Variants in SLC30A9 observed in about 807,000 individuals in gnomAD.
SLC30A9 encodes solute carrier family 30 member 9.
A neutral mutation model predicts 87.5 loss-of-function variants in SLC30A9; 58 were observed. The observed-to-expected ratio is 0.66, with a 90% CI of 0.54 to 0.82. The LOEUF is 0.82. Among genes scored for constraint, SLC30A9 ranks in the 40% least tolerant of loss-of-function variants. SLC30A9 has a pLI of 0.00. For missense variants in SLC30A9, 557 were observed against 679.1 expected (o/e 0.82, Z 2.00); for synonymous variants, 234 against 233.0 (o/e 1.00, Z -0.04).
At chr4:42,035,781 C>T (rs1002389485) in intron 7 of SLC30A9, among the ~76,000 whole-genome samples, 4 of 152,196 alleles carry the variant, frequency 2.6e-5, no homozygotes, top group East Asian at 1.9e-4. Context: ...CAAGCGTGCC[C>T]GGCCTGATTT....
At chr4:42,074,252 T>G (rs1718433175) in intron 15 of SLC30A9, among the ~76,000 whole-genome samples, 1 of 152,200 alleles carries the variant, frequency 6.6e-6, no homozygotes, top group South Asian at 2.1e-4. Context: ...ATAAAAAATT[T>G]TGGACTCAGT....
At chr4:42,049,314 G>A in intron 8 of SLC30A9, 63 bp from the exon 9 acceptor site, 2 of 945,060 alleles carry the variant, frequency 2.1e-6, no homozygotes, top group Admixed American at 1.9e-5. Context: ...AGCTGATTGA[G>A]TATGCTTTTG....
At chr4:42,065,278 A>G (rs1217237396) in intron 11 of SLC30A9, 32 bp from the exon 12 acceptor site, 1 of 1,081,298 alleles carries the variant, frequency 9.2e-7, no homozygotes, top group Non-Finnish European at 1.4e-6. Context: ...GAAGTACTTA[A>G]TTTATGCTTT....
chr4:42,053,027 A>AG (rs1717444985), intron 9 of SLC30A9, among the ~76,000 whole-genome samples: 4 of 76,546 alleles, frequency 5.2e-5, no homozygotes, highest in African/African-American at 8.1e-5. Flanking sequence ...ATAAAATGAG[A>AG]ACCAGTTTTT....
chr4:42,067,695 AT>A (rs1718136805), intron 14 of SLC30A9, among the ~76,000 whole-genome samples: 2 of 152,230 alleles, frequency 1.3e-5, no homozygotes, highest in Non-Finnish European at 2.9e-5. Flanking sequence ...GAGTTTGCTC[AT>A]TCTCCTTTTA....
chr4:42,016,896 A>G (rs934080193), intron 2 of SLC30A9, among the ~76,000 whole-genome samples: 3 of 152,182 alleles, frequency 2.0e-5, no homozygotes, highest in Non-Finnish European at 4.4e-5. Flanking sequence ...TCCTGCTCTG[A>G]ACACTCATGT....
Position 41,990,689 on chromosome 4 carries a change from G to C in SLC30A9, c.38G>C (p.Cys13Ser). 1 of 1,611,852 alleles carries C rather than the reference G, an allele frequency of 6.2e-7. No individual in the cohort carries two copies. Among genetic ancestry groups the C allele is most frequent in the Admixed American group, 1.7e-5 (1 of 59,968 alleles). ...PGLAAAAAHR[C>S]SWSSLCRLRL... ...TTGGCCGCCGCCGCGGCCCACAGAT[G>C]TAGCTGGTCCTCCCTGTGCCGGCTC... The change falls in exon 1 of 18, where the codon TGT becomes TCT. Residue 13 changes from cysteine to serine, a missense_variant. Cys to Ser is a moderately radical substitution (Grantham distance 112). Transcript: ENST00000264451.
intron 2 of SLC30A9, among the ~76,000 whole-genome samples, chr4:42,005,935 C>G (rs1715182877): frequency 6.6e-6 from 1 of 152,034 alleles, no homozygotes; most frequent in African/African-American, 2.4e-5. Context: ...AACATTTAGC[C>G]CTGTATTCAT....
chr4:42,064,526 A>G (rs1472823124), intron 11 of SLC30A9, among the ~76,000 whole-genome samples: 1 of 152,214 alleles, frequency 6.6e-6, no homozygotes, highest in Non-Finnish European at 1.5e-5. Context: ...ATTTCATATA[A>G]TTAAAACAAA....
At chr4:41,993,926 G>A (rs1577673202) in intron 1 of SLC30A9, among the ~76,000 whole-genome samples, 1 of 152,164 alleles carries the variant, frequency 6.6e-6, no homozygotes, top group Non-Finnish European at 1.5e-5. Context: ...GGAGGCCGAG[G>A]TAGGGGGATC....
At chr4:42,051,828 G>A (rs1386966555) in intron 9 of SLC30A9, among the ~76,000 whole-genome samples, 1 of 152,024 alleles carries the variant, frequency 6.6e-6, no homozygotes, top group Non-Finnish European at 1.5e-5. Context: ...CAGAAATAGA[G>A]AATGAAATGT....
In SLC30A9 at chr4:42,039,033, G is replaced by A. The variant is rs2153137398; in HGVS notation, c.717G>A (p.Val239=). ...ASVFFKGPGK[V]VMVAICINGL... is the part of the protein sequence containing the mutation. The stretch of plus-strand genomic sequence containing the variant: ...TGTTTTTTAAGGGACCAGGAAAAGT[G>A]GTGATGGTTGCAATTTGCATGTAAG... Residue 239 remains valine, a synonymous_variant, in exon 8 of 18, where the codon GTG becomes GTA. Coordinates refer to ENST00000264451, the MANE Select transcript of SLC30A9 (RefSeq NM_006345.4). 1 of 1,613,110 alleles carries A rather than the reference G, an allele frequency of 6.2e-7. No individual in the cohort carries two copies. Among genetic ancestry groups the A allele is most frequent in the Middle Eastern group, 1.7e-4 (1 of 6,056 alleles).
At chr4:42,001,569 A>G in intron 1 of SLC30A9, 47 bp from the exon 2 acceptor site, 1 of 1,258,508 alleles carries the variant, frequency 7.9e-7, no homozygotes, top group East Asian at 2.4e-5. Flanking sequence ...TTAATTATGC[A>G]GCTAGGACTT....
chr4:42,000,996 G>C (rs1447018186), intron 1 of SLC30A9, among the ~76,000 whole-genome samples: 1 of 151,972 alleles, frequency 6.6e-6, no homozygotes, highest in Non-Finnish European at 1.5e-5. Context: ...GGTAAATTGT[G>C]GAATATACTT....
At chr4:42,054,971 A>G (rs748695222) in intron 9 of SLC30A9, among the ~76,000 whole-genome samples, 1 of 152,148 alleles carries the variant, frequency 6.6e-6, no homozygotes, top group Non-Finnish European at 1.5e-5. Context: ...AATAAAACAT[A>G]TTTGGTTACA....
intron 10 of SLC30A9, among the ~76,000 whole-genome samples, chr4:42,062,228 A>G (rs1187568997): frequency 6.6e-6 from 1 of 151,636 alleles, no homozygotes; most frequent in Non-Finnish European, 1.5e-5. Context: ...TTAAATTTGT[A>G]TTTCTCAGAA....
intron 9 of SLC30A9, among the ~76,000 whole-genome samples, chr4:42,054,210 T>G (rs879424617): frequency 4.0e-5 from 6 of 151,824 alleles, no homozygotes; most frequent in Non-Finnish European, 8.8e-5. Flanking sequence ...ACAAAAACAT[T>G]AGCTGAGCGT....
At position 42,066,542 on chromosome 4, in the gene SLC30A9, T is replaced by C; in HGVS notation, c.1073-8T>C. Reference sequence around the variant, plus strand: ...TCTGTCTTGCTGATATGAATGCTTTTCTTTTAGCAACACTTCTTGTTGCTG... The same window carrying C: ...TCTGTCTTGCTGATATGAATGCTTTCCTTTTAGCAACACTTCTTGTTGCTG... On this transcript the variant is annotated splice_polypyrimidine_tract_variant and splice_region_variant and intron_variant, in intron 12 of 17. Transcript: ENST00000264451. 1 of 1,591,404 alleles carries C rather than the reference T, an allele frequency of 6.3e-7. No homozygotes were observed. The highest frequency in any genetic ancestry group is 8.6e-7 in the Non-Finnish European group (1 of 1,165,488).
At chr4:42,062,060 G>A (rs1443820256) in intron 10 of SLC30A9, among the ~76,000 whole-genome samples, 1 of 151,922 alleles carries the variant, frequency 6.6e-6, no homozygotes, top group Non-Finnish European at 1.5e-5. Context: ...TGGGTGTGGT[G>A]GTGCATGCCT....
Sources: allele counts gnomAD v4.1 joint callset (sites outside exome capture counted in the v4.1 genomes callset), GRCh38; gene constraint gnomAD v4.1.1; transcripts MANE v1.5; gene names NCBI Gene and HGNC (gene_info 2026-07-23, HGNC 2026-07-21).